ZNF423: variants seen among roughly 807,000 people sequenced by gnomAD.
ZNF423 encodes Ebf-associated zinc finger protein.
Under a neutral mutation model 95.8 loss-of-function variants are expected in ZNF423, and 12 were observed. The ratio of observed to expected loss-of-function variants is 0.13; its 90% CI spans 0.08 to 0.20. The LOEUF (loss-of-function observed/expected upper bound fraction) is 0.20, where lower values mean the gene tolerates loss of function less well. Among genes scored for constraint, ZNF423 ranks in the 10% least tolerant of loss-of-function variants. ZNF423 has a pLI of 1.00. For missense variants in ZNF423, 1,316 were observed against 1,737.1 expected, an observed-to-expected ratio of 0.76 and a Z score of 4.31; for synonymous variants, 749 against 711.9, an observed-to-expected ratio of 1.05 and a Z score of -0.83.
chr16:49,525,737 C>T (rs542824490), intron 5 of ZNF423, among the ~76,000 whole-genome samples: 1 of 152,268 alleles, frequency 6.6e-6, no homozygotes, highest in South Asian at 2.1e-4. Flanking sequence ...GCTGTGATTT[C>T]TCCTGCTGAT....
intron 2 of ZNF423, among the ~76,000 whole-genome samples, chr16:49,785,626 C>A (rs965627401): frequency 4.6e-5 from 7 of 152,198 alleles, no homozygotes; most frequent in African/African-American, 1.7e-4. Context: ...GAAGATCTGG[C>A]AACTCTGGAC....
chr16:49,858,710 A>G (rs2035397917), upstream of ZNF423, among the ~76,000 whole-genome samples: 1 of 114,598 alleles, frequency 8.7e-6, no homozygotes, highest in African/African-American at 3.4e-5. This position sits in a 1 kb window ranked among gnomAD's most constrained non-coding sequence, Gnocchi z 4.3. Context: ...TCCCGGAGGG[A>G]ATAGGAGCCC....
chr16:49,694,771 G>A (rs779111072), intron 3 of ZNF423, among the ~76,000 whole-genome samples: 69 of 152,364 alleles, frequency 4.5e-4, no homozygotes, highest in Non-Finnish European at 6.5e-4. Context: ...CAGCCACACT[G>A]AGGGTGGAGG....
At chr16:49,581,037 T>C (rs1970656814) in intron 5 of ZNF423, among the ~76,000 whole-genome samples, 4 of 152,128 alleles carry the variant, frequency 2.6e-5, no homozygotes, top group Admixed American at 2.6e-4. Flanking sequence ...ATTCACGAGA[T>C]TGCCACAGCC....
chr16:49,657,111 CT>C (rs2029917096), intron 3 of ZNF423, among the ~76,000 whole-genome samples: 1 of 152,214 alleles, frequency 6.6e-6, no homozygotes, highest in African/African-American at 2.4e-5. Flanking sequence ...GACAGGATGT[CT>C]GGATTGGGTC....
intron 5 of ZNF423, among the ~76,000 whole-genome samples, chr16:49,532,292 C>G (rs1041294173): frequency 2.0e-5 from 3 of 152,178 alleles, no homozygotes; most frequent in Non-Finnish European, 2.9e-5. Context: ...GTCCCCGACC[C>G]CCAGTGCCAG....
intron 5 of ZNF423, among the ~76,000 whole-genome samples, chr16:49,530,124 C>T (rs991915534): frequency 6.6e-6 from 1 of 152,180 alleles, no homozygotes; most frequent in Non-Finnish European, 1.5e-5. Context: ...GTTACTTTGC[C>T]TCTCTGAGCT....
chr16:49,718,423 G>T (rs916529563), intron 3 of ZNF423, among the ~76,000 whole-genome samples: 3 of 152,104 alleles, frequency 2.0e-5, no homozygotes, highest in African/African-American at 7.2e-5. Context: ...AAAGATCTGT[G>T]AATGAACGCA....
intron 7 of ZNF423, among the ~76,000 whole-genome samples, chr16:49,503,656 C>T (rs1296299809): frequency 6.6e-6 from 1 of 152,196 alleles, no homozygotes; most frequent in Admixed American, 6.5e-5. Flanking sequence ...TTCAACTCTG[C>T]ATGTCCTGCA....
At chr16:49,648,530 TACTCCCAGCTATTCAG>T (rs775773017) in intron 3 of ZNF423, among the ~76,000 whole-genome samples, 59 of 152,028 alleles carry the variant, frequency 3.9e-4, no homozygotes, top group Middle Eastern at 3.4e-3. Flanking sequence ...TAATTCCAGG[TACTCCCAGCTATTCAG>T]GAGGCTGAGG....
chr16:49,673,865 A>G (rs2080977188), intron 3 of ZNF423, among the ~76,000 whole-genome samples: 1 of 152,236 alleles, frequency 6.6e-6, no homozygotes, highest in South Asian at 2.1e-4. Context: ...GAGGCTGAGG[A>G]AAGTGCACAA....
At chr16:49,570,498 C>T (rs1338995723) in intron 5 of ZNF423, among the ~76,000 whole-genome samples, 7 of 152,060 alleles carry the variant, frequency 4.6e-5, no homozygotes, top group Non-Finnish European at 7.4e-5. Context: ...CTTTTTCTTC[C>T]TCTCCCTCAT....
chr16:49,525,607 G>A (rs577279713), intron 5 of ZNF423, 113 bp from the exon 6 acceptor site: 1,016 of 1,480,486 alleles, frequency 6.9e-4, no homozygotes, highest in Non-Finnish European at 8.4e-4. Flanking sequence ...CCCCAGCACC[G>A]GGGCTGGTGA....
At chr16:49,764,732 A>G (rs1380380986) in intron 2 of ZNF423, 1 of 150,204 alleles carries the variant, frequency 6.7e-6, no homozygotes, top group Non-Finnish European at 1.5e-5. Flanking sequence ...TACGACACCC[A>G]CCTCTTTTTT....
At chr16:49,539,654 G>A (rs910844502) in intron 5 of ZNF423, among the ~76,000 whole-genome samples, 2 of 152,230 alleles carry the variant, frequency 1.3e-5, no homozygotes, top group African/African-American at 4.8e-5. Flanking sequence ...CCCTGAGGCA[G>A]GCACTGTGCA....
chr16:49,552,183 G>A (rs865871303), intron 5 of ZNF423, among the ~76,000 whole-genome samples: 28 of 152,208 alleles, frequency 1.8e-4, no homozygotes, highest in Admixed American at 1.6e-3. Flanking sequence ...TTATGTTAAT[G>A]CTTGGCCCCC....
chr16:49,524,076 A>C (rs1567442810), intron 6 of ZNF423, among the ~76,000 whole-genome samples: 1 of 152,200 alleles, frequency 6.6e-6, no homozygotes, highest in African/African-American at 2.4e-5. Context: ...ATGGCCTGCC[A>C]CAGACAAATG....
At chr16:49,513,021 G>A (rs1287252594) in intron 7 of ZNF423, among the ~76,000 whole-genome samples, 10 of 152,148 alleles carry the variant, frequency 6.6e-5, no homozygotes, top group Admixed American at 3.3e-4. Context: ...ACTTGAACCC[G>A]GGAGGCGGAG....
intron 5 of ZNF423, among the ~76,000 whole-genome samples, chr16:49,623,916 C>T (rs768028556): frequency 1.3e-5 from 2 of 152,152 alleles, no homozygotes; most frequent in Non-Finnish European, 2.9e-5. Context: ...CCTGAGAGCA[C>T]CTTCACTAAA....
Sources: gnomAD v4.1 joint callset for allele counts (sites outside exome capture counted in the v4.1 genomes callset) on GRCh38, gnomAD v4.1.1 for gene constraint, Gnocchi (gnomAD v3.1) non-coding constraint, MANE v1.5 for transcripts, NCBI Gene and HGNC (gene_info 2026-07-23, HGNC 2026-07-21) for gene names.